Variants in PABIR3 observed in about 807,000 individuals in gnomAD.
PABIR3 encodes PABIR family member 1.
A neutral mutation model predicts 23.1 loss-of-function variants in PABIR3; 20 were observed. The observed-to-expected ratio is 0.86, with a 90% CI of 0.61 to 1.26. The LOEUF (loss-of-function observed/expected upper bound fraction) is 1.26, where lower values mean the gene tolerates loss of function less well. Ranked by LOEUF, PABIR3 falls within the 50% of genes most tolerant of loss-of-function variation. The probability of loss-of-function intolerance (pLI) is 0.00; values close to 1 mark genes in which losing one functional copy is unlikely to be tolerated. For missense variants in PABIR3, 189 were observed against 195.4 expected, an observed-to-expected ratio of 0.97 and a Z score of 0.20; for synonymous variants, 69 against 68.5, an observed-to-expected ratio of 1.01 and a Z score of -0.04.
chrX:134,846,861 T>G (rs1389927477), intron 6 of PABIR3, among the ~76,000 whole-genome samples: 1 of 111,990 alleles, frequency 8.9e-6, no homozygotes, highest in Non-Finnish European at 1.9e-5. Flanking sequence ...GAAGGGCACA[T>G]GTAATACACA....
At chrX:134,845,864 T>TAACA (rs2082415275) in intron 6 of PABIR3, among the ~76,000 whole-genome samples, 1 of 112,293 alleles carries the variant, frequency 8.9e-6, no homozygotes, top group African/African-American at 3.2e-5. Flanking sequence ...AGTGCTTAGA[T>TAACA]AACAAAACAA....
intron 4 of PABIR3, among the ~76,000 whole-genome samples, chrX:134,841,777 C>T (rs142747621): frequency 1.1e-3 from 116 of 109,555 alleles, no homozygotes; most frequent in African/African-American, 3.7e-3. Context: ...TGTACTGAGC[C>T]GAGATCGTGT....
the PABIR3 span, among the ~76,000 whole-genome samples, chrX:134,861,548 C>T: frequency 9.4e-6 from 1 of 105,959 alleles, no homozygotes; most frequent in Non-Finnish European, 1.9e-5. Flanking sequence ...GTGGCAGGTG[C>T]CTGTAGTCCC....
In PABIR3 at chrX:134,814,843, C is replaced by T. The variant is rs761449519; in HGVS notation, c.183C>T (p.Arg61=). 1.7e-6 allele frequency: 2 copies of T among 1,191,050 alleles called. No homozygotes were observed. The highest frequency in any genetic ancestry group is 4.5e-5 in the Admixed American group (2 of 44,220). ...RTNRTTFRNR[R]SLLLPPPPFH... is the part of the protein sequence containing the mutation. ...ACAGAACAACATTTAGGAATCGACGCTCTCTGGTAAGGAAATGCTTATAGT... is the reference window on the plus strand; with the variant it reads ...ACAGAACAACATTTAGGAATCGACGTTCTCTGGTAAGGAAATGCTTATAGT... Residue 61 remains arginine (R), a synonymous_variant, in exon 3 of 11, where the codon CGC becomes CGT. Transcript: ENST00000645433.
chrX:134,821,861 A>G (rs191103435), intron 3 of PABIR3: 7 of 773,599 alleles, frequency 9.0e-6, no homozygotes, highest in Non-Finnish European at 1.1e-5. Flanking sequence ...GGATTTTCTG[A>G]GCATTTTATC....
intron 2 of PABIR3, among the ~76,000 whole-genome samples, chrX:134,811,492 G>A (rs866250808): frequency 2.7e-5 from 3 of 109,531 alleles, no homozygotes; most frequent in East Asian, 2.9e-4. Context: ...GGGCTCAAGC[G>A]ATTCTCCTGC....
chrX:134,807,038 T>C (rs2080273429), upstream of PABIR3: 2 of 313,006 alleles, frequency 6.4e-6, no homozygotes, highest in African/African-American at 2.9e-5. Flanking sequence ...TAAGTGGGCA[T>C]TGGGGAAAGA....
At chrX:134,831,914 T>C (rs762289177) in intron 4 of PABIR3, among the ~76,000 whole-genome samples, 2 of 111,518 alleles carry the variant, frequency 1.8e-5, no homozygotes, top group Admixed American at 1.9e-4. Flanking sequence ...CTTCCCAGCC[T>C]CTGGTAACCA....
At chrX:134,841,783 C>T (rs892439947) in intron 4 of PABIR3, among the ~76,000 whole-genome samples, 8 of 109,770 alleles carry the variant, frequency 7.3e-5, no homozygotes, top group Non-Finnish European at 1.5e-4. Context: ...GAGCCGAGAT[C>T]GTGTCACTGC....
chrX:134,860,384 T>A, the PABIR3 span, among the ~76,000 whole-genome samples: 1 of 111,939 alleles, frequency 8.9e-6, no homozygotes, highest in Non-Finnish European at 1.9e-5. Context: ...CCACCGCACC[T>A]GGACCCTTCA....
intron 4 of PABIR3, among the ~76,000 whole-genome samples, chrX:134,830,590 C>T (rs906043077): frequency 2.7e-5 from 3 of 110,001 alleles, no homozygotes; most frequent in Non-Finnish European, 5.7e-5. Context: ...ACCTCGGCCT[C>T]CCAAATTGCA....
chrX:134,815,880 C>T (rs1006222952), intron 3 of PABIR3, among the ~76,000 whole-genome samples: 1 of 110,326 alleles, frequency 9.1e-6, no homozygotes, highest in Non-Finnish European at 1.9e-5. Flanking sequence ...AGGATTTCAC[C>T]ATGTTGGCCA....
chrX:134,827,306 C>T (rs887701354), intron 3 of PABIR3, among the ~76,000 whole-genome samples: 3 of 111,447 alleles, frequency 2.7e-5, no homozygotes, highest in African/African-American at 3.3e-5. Flanking sequence ...CCTCCACTCA[C>T]TAACTCACTC....
intron 4 of PABIR3, among the ~76,000 whole-genome samples, chrX:134,844,423 T>C (rs2082367360): frequency 1.8e-5 from 2 of 110,750 alleles, no homozygotes; most frequent in Non-Finnish European, 3.8e-5. Flanking sequence ...GTTGATCACT[T>C]TGGGTGGAAT....
chrX:134,863,546 T>C, the PABIR3 span, among the ~76,000 whole-genome samples: 6 of 111,757 alleles, frequency 5.4e-5, no homozygotes, highest in South Asian at 2.3e-3. Context: ...GTCCCAGTCG[T>C]TGGTACCAGT....
chrX:134,838,314 T>C (rs1457243245), intron 4 of PABIR3, among the ~76,000 whole-genome samples: 1 of 110,430 alleles, frequency 9.1e-6, no homozygotes, highest in Non-Finnish European at 1.9e-5. Flanking sequence ...AAGACCAAGA[T>C]AAATGTTTTT....
Position 134,845,337 on chromosome X carries a change from T to G in PABIR3, c.291-10T>G, listed in dbSNP as rs886490419. ...AGATAGGCAAACTGCAGTTTTGATT[T>G]CTTTTGTAGGAAGCTACAAAGTGAG... On this transcript the variant is annotated splice_polypyrimidine_tract_variant and intron_variant, in intron 5 of 10. Coordinates refer to ENST00000645433, the MANE Select transcript of PABIR3 (RefSeq NM_001388447.1). 7.5e-6 allele frequency: 9 copies of G among 1,203,176 alleles called. No homozygotes were observed. In the African/African-American group the frequency reaches 1.6e-4, roughly 21 times the overall value.
chrX:134,822,081 A>G (rs2081319229), intron 3 of PABIR3: 1 of 754,147 alleles, frequency 1.3e-6, no homozygotes, highest in Non-Finnish European at 1.6e-6. Context: ...ACCTCCCGCT[A>G]CTTCTACTCC....
At chrX:134,829,313 C>G in intron 4 of PABIR3, 31 bp downstream of exon 4, 1 of 1,136,931 alleles carries the variant, frequency 8.8e-7, no homozygotes, top group Non-Finnish European at 1.2e-6. Context: ...GACAGCTGTT[C>G]ATTTAAAAAA....
Sources: gnomAD v4.1 joint callset for allele counts (sites outside exome capture counted in the v4.1 genomes callset) on GRCh38, gnomAD v4.1.1 for gene constraint, MANE v1.5 for transcripts, NCBI Gene and HGNC (gene_info 2026-07-23, HGNC 2026-07-21) for gene names.